Variants in RELL1 observed in about 807,000 individuals in gnomAD.
The protein encoded by RELL1 is RELT like 1.
Under a neutral mutation model 23.0 loss-of-function variants are expected in RELL1, and 10 were observed. That is an observed-to-expected ratio of 0.43 (90% CI 0.27 to 0.74). The LOEUF (loss-of-function observed/expected upper bound fraction) is 0.74, where lower values mean the gene tolerates loss of function less well. Among genes scored for constraint, RELL1 ranks in the 30% least tolerant of loss-of-function variants. The pLI is 0.19. For synonymous variants in RELL1, 146 were observed against 146.8 expected, an observed-to-expected ratio of 0.99 and a Z score of 0.04; for missense variants, 315 against 364.4, an observed-to-expected ratio of 0.86 and a Z score of 1.10.
chr4:37,674,843 T>C (rs1468100389), intron 1 of RELL1, among the ~76,000 whole-genome samples: 1 of 152,224 alleles, frequency 6.6e-6, no homozygotes, highest in Non-Finnish European at 1.5e-5. Flanking sequence ...TGGCAGATTA[T>C]TGGTATCGAA....
intron 1 of RELL1, among the ~76,000 whole-genome samples, chr4:37,676,464 T>C (rs567220504): frequency 3.3e-5 from 5 of 152,346 alleles, no homozygotes; most frequent in African/African-American, 1.2e-4. Context: ...ACAGCTGAGT[T>C]TAGTTTGTCT....
intron 2 of RELL1, 138 bp downstream of exon 2, chr4:37,649,138 A>T: frequency 2.7e-6 from 2 of 745,332 alleles, no homozygotes; most frequent in Non-Finnish European, 4.6e-6. Context: ...TTACTGCACA[A>T]TCTGCACTTA....
chr4:37,650,852 A>C (rs916780893), intron 1 of RELL1, among the ~76,000 whole-genome samples: 3 of 151,454 alleles, frequency 2.0e-5, no homozygotes, highest in African/African-American at 4.9e-5. Flanking sequence ...TGAGGTCAGG[A>C]GTTCAAGACC....
rs1057403137 is a variant in RELL1 at position 37,670,766 on chromosome 4, G to T, written c.88+15434C>A. On this transcript the variant is annotated intron_variant, in intron 1 of 6. Transcript: ENST00000454158. Reference sequence around the variant, plus strand: ...TTTGTATTTTTTTAGTAGAGACAGGGTTTCACCATGTTGGCCAAGATGATC... The same window carrying T: ...TTTGTATTTTTTTAGTAGAGACAGGTTTTCACCATGTTGGCCAAGATGATC... 4.8e-4 allele frequency among the ~76,000 whole-genome samples: 73 copies of T among 152,024 alleles called. 1 individual carries two copies. The highest frequency in any genetic ancestry group is 2.1e-3 in the South Asian group (10 of 4,808).
intron 6 of RELL1, among the ~76,000 whole-genome samples, chr4:37,621,176 G>T (rs1719748243): frequency 6.6e-6 from 1 of 152,202 alleles, no homozygotes; most frequent in African/African-American, 2.4e-5. Flanking sequence ...AGAAAAATCG[G>T]CCAGGCGCGG....
chr4:37,629,786 C>G (rs1463939420), intron 6 of RELL1, among the ~76,000 whole-genome samples: 1 of 152,186 alleles, frequency 6.6e-6, no homozygotes, highest in Non-Finnish European at 1.5e-5. Context: ...CTGAGCCCGG[C>G]AGATTATCAG....
intron 6 of RELL1, among the ~76,000 whole-genome samples, chr4:37,597,233 A>G (rs1446253392): frequency 6.6e-6 from 1 of 152,180 alleles, no homozygotes; most frequent in Non-Finnish European, 1.5e-5. Flanking sequence ...ATTTTGGAAT[A>G]GTTAATACAG....
rs1720418487 is a variant in RELL1 at position 37,638,656 on chromosome 4, T to G, written c.386-152A>C. On this transcript the variant is annotated intron_variant, in intron 3 of 6. Coordinates refer to ENST00000454158, the MANE Select transcript of RELL1 (RefSeq NM_001085400.2). ...AGAGAAAGGAGGGTCTCCCCCAACA[T>G]AACTGCATAACATGGCACCATCTGT... 3 of 613,726 alleles carry G rather than the reference T, an allele frequency of 4.9e-6. No homozygotes were observed. In the South Asian group the frequency reaches 6.5e-5, roughly 13 times the overall value. The allele number at this position is 613,726 out of a possible 1,614,324, so 38.0% of individuals were successfully genotyped here. A position where few individuals can be genotyped will look rare whatever the true frequency, so the allele number is the denominator to read the frequency against.
chr4:37,647,980 A>G (rs1720766298), intron 2 of RELL1, among the ~76,000 whole-genome samples: 1 of 151,810 alleles, frequency 6.6e-6, no homozygotes, highest in African/African-American at 2.4e-5. Context: ...ACTCTGTACC[A>G]GGAGCATACA....
chr4:37,639,613 G>A (rs1009364293), intron 3 of RELL1, among the ~76,000 whole-genome samples: 1 of 151,978 alleles, frequency 6.6e-6, no homozygotes, highest in Non-Finnish European at 1.5e-5. Context: ...TCCTTGTAGA[G>A]TGGTCACGCT....
chr4:37,592,408 C>G lies in RELL1; in HGVS notation c.*4-1191G>C, dbSNP rs927128432. ...ACAAAATTATACTCAAGGAAGGGAC[C>G]GAGCTGGTTTGCAGAGCCATAGCTT... is the stretch of plus-strand genomic sequence containing the variant. On this transcript the variant is annotated intron_variant, in intron 6 of 6. Coordinates refer to the RELL1 transcript ENST00000314117. Among the ~76,000 whole-genome samples the G allele has an allele frequency of 5.3e-5, 8 of 151,464 alleles. No individual in the cohort carries two copies. In the South Asian group the frequency reaches 1.5e-3, roughly 28 times the overall value.
intron 3 of RELL1, among the ~76,000 whole-genome samples, chr4:37,645,009 C>A (rs1209632954): frequency 6.6e-6 from 1 of 152,086 alleles, no homozygotes; most frequent in Non-Finnish European, 1.5e-5. Context: ...CACTTTATAA[C>A]ATGGGAAGAA....
At chr4:37,628,688 C>T (rs1241158477) in intron 6 of RELL1, among the ~76,000 whole-genome samples, 1 of 152,176 alleles carries the variant, frequency 6.6e-6, no homozygotes, top group Non-Finnish European at 1.5e-5. Flanking sequence ...ACATTCCAGA[C>T]TTTCTCTTGG....
intron 1 of RELL1, among the ~76,000 whole-genome samples, chr4:37,671,705 G>A (rs567491731): frequency 6.6e-6 from 1 of 152,080 alleles, no homozygotes; most frequent in South Asian, 2.1e-4. Context: ...CATAAAAATA[G>A]CCAACCAGCA....
At chr4:37,668,451 C>T (rs891960581) in intron 1 of RELL1, among the ~76,000 whole-genome samples, 3 of 152,252 alleles carry the variant, frequency 2.0e-5, no homozygotes, top group South Asian at 4.1e-4. Flanking sequence ...CTCCTAACCG[C>T]GAGTGATCCG....
At chr4:37,682,561 T>C (rs967747087) in intron 1 of RELL1, among the ~76,000 whole-genome samples, 1 of 152,224 alleles carries the variant, frequency 6.6e-6, no homozygotes, top group Non-Finnish European at 1.5e-5. Flanking sequence ...AATTTCCAAA[T>C]AGATTCATTT....
intron 3 of RELL1, among the ~76,000 whole-genome samples, chr4:37,639,002 A>G (rs1003470254): frequency 6.6e-6 from 1 of 152,242 alleles, no homozygotes; most frequent in African/African-American, 2.4e-5. Flanking sequence ...CATCAATTCT[A>G]TCCCATATCG....
Position 37,670,100 on chromosome 4 carries a change from A to T in RELL1, c.88+16100T>A, listed in dbSNP as rs528884797. Among the ~76,000 whole-genome samples, 122 of 151,458 alleles carry T rather than the reference A, an allele frequency of 8.1e-4. 3 individuals carry two copies. In the South Asian group the frequency reaches 0.024, roughly 30 times the overall value. Reference sequence around the variant, plus strand: ...GAAAAAAAGGAACCTGTTAAAAAAAATACCTCCCAAGTATAATTAACATTT... The same window carrying T: ...GAAAAAAAGGAACCTGTTAAAAAAATTACCTCCCAAGTATAATTAACATTT... On this transcript the variant is annotated intron_variant, in intron 1 of 6. Coordinates refer to ENST00000454158, the MANE Select transcript of RELL1 (RefSeq NM_001085400.2).
At chr4:37,669,239 G>A (rs1295629172) in intron 1 of RELL1, among the ~76,000 whole-genome samples, 2 of 136,412 alleles carry the variant, frequency 1.5e-5, no homozygotes, top group Non-Finnish European at 3.0e-5. Context: ...GGAGGTGGGG[G>A]TCAGCCCCCC....
Sources: gnomAD v4.1 joint callset for allele counts (sites outside exome capture counted in the v4.1 genomes callset) on GRCh38, gnomAD v4.1.1 for gene constraint, MANE v1.5 for transcripts, NCBI Gene and HGNC (gene_info 2026-07-23, HGNC 2026-07-21) for gene names.